Variants in MMRN1 observed in about 807,000 individuals in gnomAD.
MMRN1 encodes multimerin-1.
A neutral mutation model predicts 100.7 loss-of-function variants in MMRN1; 94 were observed. That is an observed-to-expected ratio of 0.93 (90% CI 0.79 to 1.11). The LOEUF (loss-of-function observed/expected upper bound fraction) is 1.11, where lower values mean the gene tolerates loss of function less well. Ranked by LOEUF, MMRN1 falls within the 50% of genes least tolerant of loss-of-function variation. MMRN1 has a pLI of 0.00. For synonymous variants in MMRN1, 575 were observed against 505.0 expected (o/e 1.14, Z -1.86); for missense variants, 1,606 against 1,439.1 (o/e 1.12, Z -1.88).
rs748564319 is a variant in MMRN1, at chr4:89,935,247, A to G, written c.1567A>G (p.Thr523Ala). ...LKEVHEQLLSTEQVSDQKNAP... is the reference protein window; with the variant it reads ...LKEVHEQLLSAEQVSDQKNAP... The stretch of plus-strand genomic sequence containing the variant: ...GGAAGTACATGAGCAGCTTTTATCA[A>G]CTGAACAGGTATCAGACCAGAAGAA... Residue 523 changes from threonine (T) to alanine (A), a missense_variant, in exon 6 of 8, where the codon ACT becomes GCT. Physicochemically the swap from Thr to Ala is moderately conservative, Grantham distance 58 (BLOSUM62 0). Transcript: ENST00000264790. The G allele has an allele frequency of 1.2e-6, 2 of 1,613,764 alleles. No homozygotes were observed. Among genetic ancestry groups the G allele is most frequent in the East Asian group, 2.2e-5 (1 of 44,846 alleles).
chr4:89,916,332 A>G (rs1193773521), intron 3 of MMRN1, among the ~76,000 whole-genome samples: 2 of 148,706 alleles, frequency 1.3e-5, no homozygotes, highest in Non-Finnish European at 3.0e-5. Flanking sequence ...TGTTTCTTTT[A>G]TTCAGGAGTA....
rs759435570 is a variant in MMRN1 at position 89,911,951 on chromosome 4, A to G, written c.751A>G (p.Lys251Glu). Residue 251 changes from lysine (K) to glutamate (E), a missense_variant, in exon 3 of 8, where the codon AAG becomes GAG. By Grantham distance (56) the Lys-to-Glu change is moderately conservative. Coordinates refer to ENST00000264790, the MANE Select transcript of MMRN1 (RefSeq NM_007351.3). ...AATTGCTCAACTCTCTAGATCTCAG[A>G]AGATATCCAATCCTGTCTATAGGAT... ...TGGSCPQRSQ[K>E]ISNPVYRMQH... is the part of the protein sequence containing the mutation. The G allele has an allele frequency of 2.5e-6, 4 of 1,588,262 alleles. No homozygotes were observed. The East Asian group carries it at 9.0e-5, about 36-fold the overall frequency.
rs778179646 is a variant in MMRN1, at chr4:89,935,284, CT to C, written c.1605del (p.Glu536SerfsTer18). The C allele has an allele frequency of 6.2e-7, 1 of 1,613,752 alleles. No individual in the cohort carries two copies. The highest frequency in any genetic ancestry group is 8.5e-7 in the Non-Finnish European group (1 of 1,179,792). On this transcript the variant is annotated frameshift_variant, in exon 6 of 8. Coordinates refer to ENST00000264790, the MANE Select transcript of MMRN1 (RefSeq NM_007351.3). LOFTEE classifies it high-confidence loss of function. ...QVSDQKNAPA[A>X]ESVSNNVTEY... ...TCAGACCAGAAGAATGCTCCAGCTG[CT>C]GAGTCAGTTAGCAATAATGTCACTG...
At chr4:89,927,427 C>T (rs1367642445) in intron 4 of MMRN1, among the ~76,000 whole-genome samples, 1 of 151,992 alleles carries the variant, frequency 6.6e-6, no homozygotes, top group Non-Finnish European at 1.5e-5. Context: ...TCACTGCTGG[C>T]ATATAAAAAT....
At chr4:89,920,587 T>C (rs1258717716) in intron 3 of MMRN1, among the ~76,000 whole-genome samples, 1 of 152,138 alleles carries the variant, frequency 6.6e-6, no homozygotes, top group Non-Finnish European at 1.5e-5. Context: ...TTTCTTAAAC[T>C]TTATTAAATC....
chr4:89,892,983 A>C (rs931059214), upstream of MMRN1, among the ~76,000 whole-genome samples: 1 of 151,994 alleles, frequency 6.6e-6, no homozygotes, highest in African/African-American at 2.4e-5. Flanking sequence ...ATTGAATATA[A>C]ATAGGAACAT....
intron 1 of MMRN1, among the ~76,000 whole-genome samples, chr4:89,903,026 G>GTCTT (rs1389534974): frequency 1.3e-5 from 2 of 151,814 alleles, no homozygotes; most frequent in African/African-American, 4.8e-5. Context: ...AGATGAACTT[G>GTCTT]TCTTTTGGAC....
chr4:89,894,958 T>TTCA lies in MMRN1; in HGVS notation c.-13_-11dup, dbSNP rs1255802867. On this transcript the variant is annotated 5_prime_UTR_variant, in exon 1 of 8. Transcript: ENST00000264790. ...CCAAATTTCACATGAGCTACCTTGC[T>TTCA]TCAAACTACTGAGATGAAGGGGGCA... 5.7e-6 allele frequency: 9 copies of TTCA among 1,592,572 alleles called. No homozygotes were observed. Among genetic ancestry groups the TTCA allele is most frequent in the Non-Finnish European group, 6.8e-6 (8 of 1,169,080 alleles).
chr4:89,883,933 A>G (rs1720876214), intron 1 of MMRN1, among the ~76,000 whole-genome samples: 1 of 152,098 alleles, frequency 6.6e-6, no homozygotes, highest in Admixed American at 6.6e-5. Flanking sequence ...AGTGGGTTCA[A>G]GGTAAAGGTT....
At chr4:89,889,822 T>G (rs1322819359) in intron 1 of MMRN1, among the ~76,000 whole-genome samples, 3 of 150,052 alleles carry the variant, frequency 2.0e-5, no homozygotes, top group African/African-American at 7.2e-5. Context: ...ATGAAAAATC[T>G]TCTTCTACTT....
At chr4:89,921,516 T>C (rs1186490603) in intron 3 of MMRN1, among the ~76,000 whole-genome samples, 1 of 152,170 alleles carries the variant, frequency 6.6e-6, no homozygotes, top group Non-Finnish European at 1.5e-5. Context: ...GTTGTATCTG[T>C]ATGAATTAAT....
intron 1 of MMRN1, among the ~76,000 whole-genome samples, chr4:89,896,849 T>C (rs1241377206): frequency 6.6e-6 from 1 of 152,180 alleles, no homozygotes; most frequent in African/African-American, 2.4e-5. Context: ...TCGAAATATA[T>C]AAGTAAATCT....
At chr4:89,896,422 G>T (rs1028705912) in intron 1 of MMRN1, among the ~76,000 whole-genome samples, 1 of 151,988 alleles carries the variant, frequency 6.6e-6, no homozygotes, top group African/African-American at 2.4e-5. Context: ...GTTAAAGAGG[G>T]TTTTCAAAAG....
At chr4:89,941,583 G>A (rs1206588959) in intron 6 of MMRN1, among the ~76,000 whole-genome samples, 1 of 152,148 alleles carries the variant, frequency 6.6e-6, no homozygotes, top group East Asian at 1.9e-4. Flanking sequence ...CATACTCTCA[G>A]AAGGGAAGCA....
At position 89,935,566 on chromosome 4, in the gene MMRN1, A is replaced by G. The variant is rs746637077; in HGVS notation, c.1886A>G (p.Asp629Gly). The G allele has an allele frequency of 1.3e-5, 21 of 1,613,388 alleles. No individual in the cohort carries two copies. Among genetic ancestry groups the G allele is most frequent in the Non-Finnish European group, 8.5e-7 (1 of 1,179,750 alleles). Residue 629 changes from aspartate (D) to glycine (G), a missense_variant, in exon 6 of 8, where the codon GAC becomes GGC. Physicochemically the swap from Asp to Gly is moderately conservative, Grantham distance 94. Transcript: ENST00000264790. ...QTLAEVLFPMDNKMDKMSEQL... is the reference protein window; with the variant it reads ...QTLAEVLFPMGNKMDKMSEQL... The stretch of plus-strand genomic sequence containing the variant: ...TTGGCTGAAGTTCTCTTTCCAATGG[A>G]CAATAAGATGGACAAAATGAGTGAG...
Position 89,906,660 on chromosome 4 carries a change from C to G in MMRN1, c.624-2616C>G, listed in dbSNP as rs77488136. Among the ~76,000 whole-genome samples, 616 of 151,570 alleles carry G rather than the reference C, an allele frequency of 4.1e-3. 4 individuals carry two copies. Among genetic ancestry groups the G allele is most frequent in the Non-Finnish European group, 7.0e-3 (472 of 67,636 alleles). On this transcript the variant is annotated intron_variant, in intron 1 of 7. Coordinates refer to ENST00000264790, the MANE Select transcript of MMRN1 (RefSeq NM_007351.3). ...CCATGCTTCATTTTCTATTTTTAAA[C>G]CTACATTTTCAGATAATTTGGCTTT...
At chr4:89,947,309 A>G (rs1172805804) in intron 6 of MMRN1, among the ~76,000 whole-genome samples, 1 of 151,966 alleles carries the variant, frequency 6.6e-6, no homozygotes, top group Non-Finnish European at 1.5e-5. Flanking sequence ...ATAAATAAAT[A>G]GATTCATGTC....
chr4:89,901,481 C>T (rs538248410), intron 1 of MMRN1, among the ~76,000 whole-genome samples: 30 of 151,986 alleles, frequency 2.0e-4, no homozygotes, highest in Non-Finnish European at 3.5e-4. Context: ...TTTTTTTCTG[C>T]TCATTTTGTG....
chr4:89,918,294 C>T (rs1016614547), intron 3 of MMRN1, among the ~76,000 whole-genome samples: 13 of 151,260 alleles, frequency 8.6e-5, no homozygotes, highest in East Asian at 5.8e-4. Context: ...TTTCTTTTCT[C>T]GTAAAGCTGA....
Sources: allele counts gnomAD v4.1 joint callset (sites outside exome capture counted in the v4.1 genomes callset), GRCh38; gene constraint gnomAD v4.1.1; transcripts MANE v1.5; gene names NCBI Gene and HGNC (gene_info 2026-07-23, HGNC 2026-07-21).